The following PTPRM variants were observed in gnomAD, a reference collection of about 807,000 sequenced individuals.
PTPRM encodes protein tyrosine phosphatase receptor type M, also known as receptor-type tyrosine-protein phosphatase mu.
In PTPRM, 47 loss-of-function variants were observed where a neutral mutation model predicts 186.7. The observed-to-expected ratio is 0.25, with a 90% CI of 0.20 to 0.32. The LOEUF (loss-of-function observed/expected upper bound fraction) is 0.32. Ranked by LOEUF, PTPRM falls within the 10% of genes least tolerant of loss-of-function variation. PTPRM has a pLI of 1.00. For missense variants in PTPRM, 1,494 were observed against 1,865.0 expected (o/e 0.80, Z 3.66); for synonymous variants, 668 against 674.9 (o/e 0.99, Z 0.16).
At chr18:7,616,193 G>T (rs558202796) in intron 1 of PTPRM, among the ~76,000 whole-genome samples, 1 of 152,168 alleles carries the variant, frequency 6.6e-6, no homozygotes, top group Non-Finnish European at 1.5e-5. Flanking sequence ...GTCTCACTCT[G>T]TTGCCAAGGC....
At chr18:7,676,627 C>CTG (rs751900694) in intron 1 of PTPRM, among the ~76,000 whole-genome samples, 17,851 of 141,244 alleles carry the variant, frequency 0.13, 1,085 homozygotes, top group Non-Finnish European at 0.16. Context: ...GAGATTCTAG[C>CTG]TGTGTGTGTG....
intron 1 of PTPRM, among the ~76,000 whole-genome samples, chr18:7,627,895 AT>A (rs1469535509): frequency 6.6e-6 from 1 of 152,204 alleles, no homozygotes; most frequent in African/African-American, 2.4e-5. Context: ...AAGGAGTTCC[AT>A]TGATTCCAAA....
intron 8 of PTPRM, among the ~76,000 whole-genome samples, chr18:8,071,962 G>T (rs931215085): frequency 6.6e-6 from 1 of 152,192 alleles, no homozygotes. Context: ...TGGAGAGCTG[G>T]TTGTAGGCTG....
At chr18:7,790,120 G>A (rs2043270851) in intron 2 of PTPRM, among the ~76,000 whole-genome samples, 1 of 152,148 alleles carries the variant, frequency 6.6e-6, no homozygotes, top group African/African-American at 2.4e-5. Context: ...AAGATGCAGT[G>A]TCAGGTTTTG....
At chr18:7,816,076 T>C (rs1479138535) in intron 2 of PTPRM, among the ~76,000 whole-genome samples, 1 of 152,244 alleles carries the variant, frequency 6.6e-6, no homozygotes, top group African/African-American at 2.4e-5. Context: ...GTTTATATTC[T>C]GGAAGGTCTA....
At chr18:7,774,821 CA>C (rs746407236) in intron 2 of PTPRM, among the ~76,000 whole-genome samples, 3 of 152,064 alleles carry the variant, frequency 2.0e-5, no homozygotes, top group Non-Finnish European at 4.4e-5. Context: ...CACTGAACAC[CA>C]AAAAGAATTT....
chr18:8,269,186 G>T (rs914552871), intron 19 of PTPRM, among the ~76,000 whole-genome samples: 10 of 151,850 alleles, frequency 6.6e-5, no homozygotes, highest in African/African-American at 2.4e-4. Flanking sequence ...ACCAGAAACT[G>T]TTATAACTAA....
Position 8,344,448 on chromosome 18 carries a change from GTATA to G in PTPRM, c.3054+952_3054+955del, listed in dbSNP as rs1207996603. 6.0e-4 allele frequency among the ~76,000 whole-genome samples: 20 copies of G among 33,422 alleles called. No individual in the cohort carries two copies. The South Asian group carries it at 8.0e-3, about 13-fold the overall frequency. The allele number at this position is 33,422 out of a possible 152,430, so 21.9% of individuals were successfully genotyped here. ...TATATATATGTGTGTGTGTGTGTGT[GTATA>G]TATATATATATATATATATATATCT... On this transcript the variant is annotated intron_variant, in intron 23 of 32. Coordinates refer to ENST00000580170, the MANE Select transcript of PTPRM (RefSeq NM_001105244.2).
chr18:7,794,339 C>T (rs1056370739), intron 2 of PTPRM, among the ~76,000 whole-genome samples: 2 of 152,172 alleles, frequency 1.3e-5, no homozygotes, highest in Non-Finnish European at 2.9e-5. Context: ...GCTCTGGGGT[C>T]GGAGCCCCTC....
intron 19 of PTPRM, among the ~76,000 whole-genome samples, chr18:8,275,602 A>G (rs1278940473): frequency 1.3e-5 from 2 of 152,198 alleles, no homozygotes; most frequent in South Asian, 2.1e-4. Flanking sequence ...GCTGCCTGAC[A>G]TAGGGCACAC....
At chr18:8,161,463 C>T (rs2093228032) in intron 14 of PTPRM, among the ~76,000 whole-genome samples, 1 of 151,996 alleles carries the variant, frequency 6.6e-6, no homozygotes, top group South Asian at 2.1e-4. Flanking sequence ...ACCCACTGTC[C>T]AGCTTCAGGC....
intron 2 of PTPRM, among the ~76,000 whole-genome samples, chr18:7,880,640 C>T (rs2048460283): frequency 1.3e-5 from 2 of 152,192 alleles, no homozygotes; most frequent in Non-Finnish European, 2.9e-5. Context: ...GCGATGGTGG[C>T]ACCTCCCTGC....
intron 1 of PTPRM, among the ~76,000 whole-genome samples, chr18:7,616,006 A>G (rs551413215): frequency 1.4e-4 from 21 of 152,146 alleles, no homozygotes; most frequent in Admixed American, 9.8e-4. Flanking sequence ...ATCTGACAGG[A>G]GGTGGAGCTC....
chr18:8,022,040 A>G (rs935837787), intron 7 of PTPRM, among the ~76,000 whole-genome samples: 1 of 152,236 alleles, frequency 6.6e-6, no homozygotes, highest in Non-Finnish European at 1.5e-5. Context: ...ATAAAATTCA[A>G]TAATGAAAAA....
chr18:7,594,733 C>A (rs1372755262), intron 1 of PTPRM, among the ~76,000 whole-genome samples: 8 of 152,002 alleles, frequency 5.3e-5, no homozygotes, highest in African/African-American at 1.9e-4. Flanking sequence ...TTCTCATTAA[C>A]AATTTTCTTG....
chr18:8,334,951 G>C (rs1007763671), intron 22 of PTPRM, among the ~76,000 whole-genome samples: 3 of 152,256 alleles, frequency 2.0e-5, no homozygotes, highest in Admixed American at 6.5e-5. Context: ...GCCCACACCT[G>C]ATCAAACCTC....
At chr18:8,172,182 G>A (rs984856200) in intron 14 of PTPRM, among the ~76,000 whole-genome samples, 1 of 151,986 alleles carries the variant, frequency 6.6e-6, no homozygotes, top group Admixed American at 6.6e-5. Context: ...GGCTGGGGAG[G>A]CCTCACAATT....
intron 7 of PTPRM, among the ~76,000 whole-genome samples, chr18:8,048,885 A>G (rs1798955759): frequency 6.6e-6 from 1 of 152,218 alleles, no homozygotes; most frequent in Non-Finnish European, 1.5e-5. Context: ...TTACTTCTGT[A>G]GCAAAGAGTG....
intron 1 of PTPRM, among the ~76,000 whole-genome samples, chr18:7,617,834 T>C (rs953550115): frequency 5.3e-5 from 8 of 152,212 alleles, no homozygotes; most frequent in Non-Finnish European, 1.0e-4. Flanking sequence ...CATTGTTGAA[T>C]ACATTGAGAG....
Sources: allele counts gnomAD v4.1 joint callset (sites outside exome capture counted in the v4.1 genomes callset), GRCh38; gene constraint gnomAD v4.1.1; transcripts MANE v1.5; gene names NCBI Gene and HGNC (gene_info 2026-07-23, HGNC 2026-07-21).